The following RCC1 variants were observed in gnomAD, a reference collection of about 807,000 sequenced individuals.
RCC1 encodes the protein regulator of chromosome condensation 1.
RCC1 carries 11 observed loss-of-function variants against 44.4 expected under a neutral mutation model. The observed-to-expected ratio is 0.25, with a 90% CI of 0.16 to 0.41. The LOEUF is 0.41. Ranked by LOEUF, RCC1 falls within the 10% of genes least tolerant of loss-of-function variation. The pLI is 1.00. For synonymous variants in RCC1, 213 were observed against 216.5 expected (o/e 0.98, Z 0.14); for missense variants, 386 against 547.1 (o/e 0.71, Z 2.94).
chr1:28,531,998 T>C lies in RCC1; in HGVS notation c.261+8T>C. 6.4e-7 allele frequency: 1 copy of C among 1,568,270 alleles called. No individual in the cohort carries two copies. The highest frequency in any genetic ancestry group is 1.2e-5 in the South Asian group (1 of 82,216). ...CTAAGCAAAAGTGGCCAGGTAGGTG[T>C]TGGGGACTGGCACAGGGTTGGACAA... On this transcript the variant is annotated splice_region_variant and intron_variant, in intron 6 of 12. Transcript: ENST00000683442.
At chr1:28,506,200 A>AC (rs762410440) in intron 1 of RCC1, 116 bp downstream of exon 1, 25 of 420,076 alleles carry the variant, frequency 6.0e-5, no homozygotes, top group East Asian at 5.8e-4. Context: ...TTATTTATTT[A>AC]CTTTTTTTTT....
chr1:28,519,596 C>T (rs577719135), intron 4 of RCC1, among the ~76,000 whole-genome samples: 1 of 151,072 alleles, frequency 6.6e-6, no homozygotes. Flanking sequence ...GACGGAGTTT[C>T]CACTCTTATT....
intron 3 of RCC1, among the ~76,000 whole-genome samples, chr1:28,511,111 G>A (rs1006645490): frequency 1.3e-5 from 2 of 152,140 alleles, no homozygotes; most frequent in Non-Finnish European, 1.5e-5. Flanking sequence ...TGTGTAGGCA[G>A]ACAGTATTGG....
At chr1:28,537,288 GA>G (rs1290365559) in intron 12 of RCC1, among the ~76,000 whole-genome samples, 1 of 149,842 alleles carries the variant, frequency 6.7e-6, no homozygotes, top group East Asian at 1.9e-4. Flanking sequence ...TCTAAATCAA[GA>G]AAAAAAAAGG....
rs1342543199 is a variant in RCC1 at position 28,537,859 on chromosome 1, C to G, written c.1118C>G (p.Thr373Ser). ...CGTGTTTTCGCCTGGGGCATGGGCA[C>G]CAACTACCAGCTGGGCACAGGGCAG... ...DGRVFAWGMG[T>S]NYQLGTGQDE... is the part of the protein sequence containing the mutation. The change falls in exon 13 of 13, where the codon ACC becomes AGC. Residue 373 changes from threonine (T) to serine (S), a missense_variant. Thr to Ser is a moderately conservative substitution (Grantham distance 58). Transcript: ENST00000683442. 1.9e-6 allele frequency: 3 copies of G among 1,613,174 alleles called. No individual in the cohort carries two copies. The highest frequency in any genetic ancestry group is 2.5e-6 in the Non-Finnish European group (3 of 1,179,714).
intron 5 of RCC1, among the ~76,000 whole-genome samples, chr1:28,531,147 T>G (rs1466247135): frequency 2.0e-5 from 3 of 152,030 alleles, no homozygotes; most frequent in Non-Finnish European, 2.9e-5. Context: ...AGGAATCGCT[T>G]GAACCCGGGA....
chr1:28,537,055 G>C (rs1557881852), intron 12 of RCC1, among the ~76,000 whole-genome samples, 156 bp downstream of exon 12: 1 of 152,126 alleles, frequency 6.6e-6, no homozygotes, highest in Admixed American at 6.6e-5. Context: ...AGAAGCTCTG[G>C]CATTGATGAA....
At chr1:28,534,120 C>T (rs564136493) in intron 7 of RCC1, among the ~76,000 whole-genome samples, 6 of 151,814 alleles carry the variant, frequency 4.0e-5, no homozygotes, top group Non-Finnish European at 5.9e-5. Context: ...TCAGGTGATC[C>T]GCCCGTCTGG....
chr1:28,508,153 C>A lies in RCC1; in HGVS notation c.-236C>A. ...GATTTGTTAAGGATTCCAAGTAACT[C>A]TTATTTGGTGAGTAAATCTGCTAAT... On this transcript the variant is annotated 5_prime_UTR_variant, in exon 2 of 13. Coordinates refer to ENST00000683442, the MANE Select transcript of RCC1 (RefSeq NM_001381865.2). 2.2e-6 allele frequency: 1 copy of A among 445,146 alleles called. No homozygotes were observed. The highest frequency in any genetic ancestry group is 1.6e-5 in the South Asian group (1 of 63,832). The allele number at this position is 445,146 out of a possible 1,614,324, so 27.6% of individuals were successfully genotyped here.
At chr1:28,535,808 C>T (rs567710263) in intron 9 of RCC1, 63 bp from the exon 10 acceptor site, 6 of 1,549,654 alleles carry the variant, frequency 3.9e-6, no homozygotes, top group South Asian at 2.4e-5. Flanking sequence ...GAATTAAACT[C>T]GGGGCAGAGA....
intron 4 of RCC1, among the ~76,000 whole-genome samples, chr1:28,517,978 T>C (rs1662993789): frequency 6.6e-6 from 1 of 152,150 alleles, no homozygotes; most frequent in Admixed American, 6.5e-5. Context: ...GTACAGACCC[T>C]ACCGCACAAG....
chr1:28,538,153 CT>C lies in RCC1; in HGVS notation c.*150del. On this transcript the variant is annotated 3_prime_UTR_variant, in exon 13 of 13. Transcript: ENST00000683442. ...CTTTTCTCATCAGCAGAACAGAATC[CT>C]TTTCCTCTTTTCCTTCCTCCTCTTT... 3.1e-6 allele frequency: 2 copies of C among 648,632 alleles called. No individual in the cohort carries two copies. The highest frequency in any genetic ancestry group is 4.3e-4 in the Middle Eastern group (1 of 2,320). 40.2% of individuals were successfully genotyped at this position (648,632 alleles called of 1,614,324 possible).
chr1:28,515,162 C>T (rs373048697), intron 3 of RCC1, among the ~76,000 whole-genome samples: 3 of 151,742 alleles, frequency 2.0e-5, no homozygotes, highest in Admixed American at 6.6e-5. Flanking sequence ...TGGTGGTGCA[C>T]GCCTGTAATC....
chr1:28,507,275 C>A, intron 1 of RCC1: 1 of 485,436 alleles, frequency 2.1e-6, no homozygotes, highest in Non-Finnish European at 4.2e-6. Context: ...GGTGGAAACT[C>A]GTTTGCTTTC....
rs965259937 is a variant in RCC1 at position 28,518,288 on chromosome 1, T to C, written c.-10+1421T>C. On this transcript the variant is annotated intron_variant, in intron 4 of 12. Transcript: ENST00000683442. ...GCCCGGCGGGGAGCGCCGGAGTTCC[T>C]TGTGGCCGACGTGCACCAAGGTAGG... is the stretch of plus-strand genomic sequence containing the variant. The C allele has an allele frequency of 5.3e-5, 8 of 152,274 alleles. No individual in the cohort carries two copies. The East Asian group carries it at 7.8e-4, about 15-fold the overall frequency. 9.4% of individuals were successfully genotyped at this position (152,274 alleles called of 1,614,324 possible). A position where few individuals can be genotyped will look rare whatever the true frequency, so the allele number is the denominator to read the frequency against.
Position 28,506,050 on chromosome 1 carries a change from G to T in RCC1, c.-296G>T, listed in dbSNP as rs765404213. The T allele has an allele frequency of 4.4e-6, 2 of 455,894 alleles. No homozygotes were observed. Among genetic ancestry groups the T allele is most frequent in the Admixed American group, 2.4e-5 (1 of 42,538 alleles). 28.2% of individuals were successfully genotyped at this position (455,894 alleles called of 1,614,324 possible). A position where few individuals can be genotyped will look rare whatever the true frequency, so the allele number is the denominator to read the frequency against. On this transcript the variant is annotated 5_prime_UTR_variant, in exon 1 of 13. Coordinates refer to ENST00000683442, the MANE Select transcript of RCC1 (RefSeq NM_001381865.2). ...GCTTCGCGTTTTCTCTCTCCTTTTT[G>T]GAGACAGATTCGCAGTGGTCGCTTC...
At chr1:28,509,186 A>G in intron 3 of RCC1, 2 of 303,042 alleles carry the variant, frequency 6.6e-6, no homozygotes, top group South Asian at 5.8e-5. Context: ...GCATTTAGCT[A>G]GGAATGCACA....
chr1:28,518,920 C>G (rs1663098503), intron 4 of RCC1: 1 of 152,196 alleles, frequency 6.6e-6, no homozygotes, highest in Non-Finnish European at 1.5e-5. Context: ...GTGTCATTAG[C>G]GAACTATGCC....
chr1:28,533,992 C>T (rs1664381091), intron 7 of RCC1, among the ~76,000 whole-genome samples: 1 of 149,232 alleles, frequency 6.7e-6, no homozygotes, highest in African/African-American at 2.5e-5. Context: ...ATTCTCCTTC[C>T]TCAGCCTCCC....
Sources: allele counts gnomAD v4.1 joint callset (sites outside exome capture counted in the v4.1 genomes callset), GRCh38; gene constraint gnomAD v4.1.1; transcripts MANE v1.5; gene names NCBI Gene and HGNC (gene_info 2026-07-23, HGNC 2026-07-21).